Variants in CTNNA3 observed in about 807,000 individuals in gnomAD.
CTNNA3 encodes the protein catenin alpha-3.
CTNNA3 carries 76 observed loss-of-function variants against 95.7 expected under a neutral mutation model. That is an observed-to-expected ratio of 0.79 (90% CI 0.66 to 0.96). The LOEUF is 0.96. CTNNA3 is among the 40% of genes least tolerant of loss of function. The pLI is 0.00. For synonymous variants in CTNNA3, 431 were observed against 374.4 expected (o/e 1.15, Z -1.74); for missense variants, 1,191 against 1,089.8 (o/e 1.09, Z -1.31).
Position 66,414,863 on chromosome 10 carries a change from C to T in CTNNA3, c.1532-35511G>A, listed in dbSNP as rs77257063. Among the ~76,000 whole-genome samples, 2,753 of 152,222 alleles carry T rather than the reference C, an allele frequency of 0.018. 199 individuals carry two copies. The East Asian group carries it at 0.24, about 13-fold the overall frequency. ...AGAGCACCATCCCCAGCAAACTGCA[C>T]ACTACCTGAAGCCCAGTGGTGCTGA... On this transcript the variant is annotated intron_variant, in intron 11 of 17. Coordinates refer to ENST00000433211, the MANE Select transcript of CTNNA3 (RefSeq NM_013266.4).
chr10:66,996,900 A>G (rs939748551), intron 7 of CTNNA3, among the ~76,000 whole-genome samples: 5 of 152,146 alleles, frequency 3.3e-5, no homozygotes, highest in Non-Finnish European at 5.9e-5. Context: ...ACCTGTTGAC[A>G]GTCTGTAATT....
chr10:66,388,293 G>A (rs530210089), intron 11 of CTNNA3, among the ~76,000 whole-genome samples: 170 of 152,168 alleles, frequency 1.1e-3, no homozygotes, highest in Non-Finnish European at 1.7e-3. Context: ...GTTCTTGGAA[G>A]ATTAATAATA....
At chr10:66,965,835 G>A (rs1048530909) in intron 7 of CTNNA3, among the ~76,000 whole-genome samples, 1 of 152,052 alleles carries the variant, frequency 6.6e-6, no homozygotes. Flanking sequence ...TCTATGTTAA[G>A]TGAAAATAAT....
In CTNNA3 at chr10:65,915,800, G is replaced by A. The variant is rs907216536; in HGVS notation, c.*4530C>T. On this transcript the variant is annotated 3_prime_UTR_variant, in exon 18 of 18. Coordinates refer to ENST00000433211, the MANE Select transcript of CTNNA3 (RefSeq NM_013266.4). ...AATATTCACATGCAAGAAGACTAGT[G>A]TTTTAAACTATTCTTTATTTTGCTT... The A allele has an allele frequency of 2.6e-5, 4 of 152,058 alleles. No individual in the cohort carries two copies. Among genetic ancestry groups the A allele is most frequent in the Non-Finnish European group, 4.4e-5 (3 of 67,988 alleles). The allele number at this position is 152,058 out of a possible 1,614,324, so 9.4% of individuals were successfully genotyped here.
chr10:66,768,797 TAG>T (rs1348693623), intron 8 of CTNNA3, among the ~76,000 whole-genome samples: 5 of 144,920 alleles, frequency 3.5e-5, no homozygotes, highest in African/African-American at 1.3e-4. Context: ...AAAAAAAAAT[TAG>T]AGTCAAATTT....
At chr10:66,592,247 G>T (rs945075299) in intron 10 of CTNNA3, among the ~76,000 whole-genome samples, 1 of 151,978 alleles carries the variant, frequency 6.6e-6, no homozygotes, top group African/African-American at 2.4e-5. Flanking sequence ...ATTGTTGTGA[G>T]AATACAAATA....
intron 12 of CTNNA3, among the ~76,000 whole-genome samples, chr10:66,288,167 G>GA (rs1171717675): frequency 6.6e-6 from 1 of 151,960 alleles, no homozygotes; most frequent in East Asian, 1.9e-4. Context: ...GGAGAAATAA[G>GA]AAAACACATC....
At chr10:66,998,891 T>C (rs1851521868) in intron 7 of CTNNA3, among the ~76,000 whole-genome samples, 1 of 152,094 alleles carries the variant, frequency 6.6e-6, no homozygotes. Flanking sequence ...GACCCTACAA[T>C]TAGAGAACAC....
chr10:66,897,985 T>C (rs1352789575), intron 7 of CTNNA3, among the ~76,000 whole-genome samples: 1 of 152,154 alleles, frequency 6.6e-6, no homozygotes, highest in East Asian at 1.9e-4. Context: ...AGAGGCTAAT[T>C]TGTCCTACCA....
At chr10:67,493,902 G>T (rs1427360205) in intron 5 of CTNNA3, among the ~76,000 whole-genome samples, 2 of 152,086 alleles carry the variant, frequency 1.3e-5, no homozygotes, top group Non-Finnish European at 2.9e-5. Context: ...TCGTCATGTC[G>T]TTTGGATCAA....
chr10:67,727,332 AT>A (rs1564841664), intron 1 of CTNNA3, among the ~76,000 whole-genome samples: 1 of 132,480 alleles, frequency 7.5e-6, no homozygotes. Flanking sequence ...ATATTTATAT[AT>A]TATTGTATAT....
chr10:66,769,843 A>G (rs929845253), intron 8 of CTNNA3, among the ~76,000 whole-genome samples: 1 of 152,172 alleles, frequency 6.6e-6, no homozygotes, highest in African/African-American at 2.4e-5. Context: ...TCAATAGCAT[A>G]TCATTTCCTC....
chr10:66,586,727 G>A (rs868517422), intron 10 of CTNNA3, among the ~76,000 whole-genome samples: 24 of 152,074 alleles, frequency 1.6e-4, no homozygotes, highest in African/African-American at 5.8e-4. Context: ...TTTCATGAGC[G>A]CTGTTTGACT....
chr10:66,494,906 C>T (rs1236716564), intron 11 of CTNNA3, among the ~76,000 whole-genome samples: 2 of 152,186 alleles, frequency 1.3e-5, no homozygotes, highest in African/African-American at 4.8e-5. Context: ...AAGCAATTTT[C>T]CCAAGGCCAA....
intron 7 of CTNNA3, among the ~76,000 whole-genome samples, chr10:66,911,384 C>A (rs1846216961): frequency 6.6e-6 from 1 of 152,128 alleles, no homozygotes; most frequent in African/African-American, 2.4e-5. Context: ...TATTATAATG[C>A]AAAGAAAACA....
At chr10:67,234,838 C>A (rs952209799) in intron 5 of CTNNA3, among the ~76,000 whole-genome samples, 6 of 150,612 alleles carry the variant, frequency 4.0e-5, no homozygotes, top group African/African-American at 1.2e-4. Context: ...AATCAATGTA[C>A]AAAAATCACA....
intron 12 of CTNNA3, among the ~76,000 whole-genome samples, chr10:66,363,734 A>G (rs1212867550): frequency 1.3e-5 from 2 of 152,344 alleles, no homozygotes; most frequent in East Asian, 3.9e-4. Context: ...TATGTTTTAT[A>G]TATTGCACAT....
intron 9 of CTNNA3, among the ~76,000 whole-genome samples, chr10:66,725,846 C>G (rs1258599986): frequency 1.3e-5 from 2 of 152,066 alleles, no homozygotes; most frequent in African/African-American, 2.4e-5. Flanking sequence ...ATTTTCACCC[C>G]TCTCACTTTT....
At chr10:67,635,077 T>C (rs1156701657) in intron 2 of CTNNA3, among the ~76,000 whole-genome samples, 1 of 151,512 alleles carries the variant, frequency 6.6e-6, no homozygotes, top group Non-Finnish European at 1.5e-5. Context: ...CTAGAAGAAA[T>C]GGATAAACTC....
Sources: gnomAD v4.1 joint callset for allele counts (sites outside exome capture counted in the v4.1 genomes callset) on GRCh38, gnomAD v4.1.1 for gene constraint, MANE v1.5 for transcripts, NCBI Gene and HGNC (gene_info 2026-07-23, HGNC 2026-07-21) for gene names.